Variants in HDGF observed in about 807,000 individuals in gnomAD.
HDGF encodes the protein hepatoma-derived growth factor.
A neutral mutation model predicts 30.0 loss-of-function variants in HDGF; 5 were observed. The observed-to-expected ratio is 0.17, with a 90% confidence interval of 0.09 to 0.35. The LOEUF (loss-of-function observed/expected upper bound fraction) is 0.35. Ranked by LOEUF, HDGF falls within the 10% of genes least tolerant of loss-of-function variation. The pLI is 1.00. For synonymous variants in HDGF, 133 were observed against 112.7 expected (o/e 1.18, Z -1.14); for missense variants, 214 against 302.8 (o/e 0.71, Z 2.18).
chr1:156,758,592 CAAAA>C (rs146810668), intron 2 of HDGF, among the ~76,000 whole-genome samples: 1 of 86,006 alleles, frequency 1.2e-5, no homozygotes, highest in African/African-American at 5.5e-5. Context: ...GACTCCGTCT[CAAAA>C]AAAAAAATAA....
chr1:156,749,537 C>G (rs1254604050), intron 1 of HDGF, among the ~76,000 whole-genome samples: 8 of 152,206 alleles, frequency 5.3e-5, no homozygotes. Flanking sequence ...TACCCCAGTT[C>G]TAACTTTATC....
In HDGF at chr1:156,751,578, A is replaced by G; in HGVS notation, c.-149T>C. ...CCCCGGCCCGAGCTCCGGCGCGGCC[A>G]CGGCGTCTCCGCCCGCGCGCCGCAC... is the stretch of plus-strand genomic sequence containing the variant. On this transcript the variant is annotated 5_prime_UTR_variant, in exon 1 of 6. Transcript: ENST00000357325. The surrounding 1 kb of genome is among the most constrained non-coding windows in gnomAD (Gnocchi z 4.7). 3 of 984,646 alleles carry G rather than the reference A, an allele frequency of 3.0e-6. No individual in the cohort carries two copies. Among genetic ancestry groups the G allele is most frequent in the Non-Finnish European group, 3.6e-6 (3 of 830,654 alleles). 61.0% of individuals were successfully genotyped at this position (984,646 alleles called of 1,614,324 possible).
intron 1 of HDGF, among the ~76,000 whole-genome samples, chr1:156,764,854 C>T (rs2102743965): frequency 6.7e-6 from 1 of 150,330 alleles, no homozygotes; most frequent in Non-Finnish European, 1.5e-5. Context: ...CCACTGCACT[C>T]CAGCATGGGC....
rs1339389645 is a variant in HDGF, at chr1:156,742,828, C to T, written c.*621G>A. ...CTACAACTCCCAAAACTCTTGGGGTCGGCAAAAGGAAAAATGGGTGTTGTC... is the reference window on the plus strand; with the variant it reads ...CTACAACTCCCAAAACTCTTGGGGTTGGCAAAAGGAAAAATGGGTGTTGTC... On this transcript the variant is annotated 3_prime_UTR_variant, in exon 6 of 6. Coordinates refer to ENST00000357325, the MANE Select transcript of HDGF (RefSeq NM_004494.3). 2 of 154,846 alleles carry T rather than the reference C, an allele frequency of 1.3e-5. No homozygotes were observed. The highest frequency in any genetic ancestry group is 2.4e-5 in the African/African-American group (1 of 41,612). 9.6% of individuals were successfully genotyped at this position (154,846 alleles called of 1,614,324 possible).
chr1:156,760,079 G>A (rs1651223097), intron 1 of HDGF, among the ~76,000 whole-genome samples: 1 of 152,262 alleles, frequency 6.6e-6, no homozygotes, highest in South Asian at 2.1e-4. Context: ...AGTACTGGAA[G>A]TAACTTTGCT....
intron 1 of HDGF, among the ~76,000 whole-genome samples, chr1:156,746,294 G>C (rs997379474): frequency 6.6e-6 from 1 of 152,184 alleles, no homozygotes; most frequent in East Asian, 1.9e-4. Flanking sequence ...CTGCAGCACG[G>C]TGCTTAGCAT....
upstream of HDGF, among the ~76,000 whole-genome samples, chr1:156,754,306 A>G (rs1000015286): frequency 6.6e-6 from 1 of 152,224 alleles, no homozygotes; most frequent in Non-Finnish European, 1.5e-5. Flanking sequence ...GTTGCATCAT[A>G]ATAGCCAGCG....
upstream of HDGF, among the ~76,000 whole-genome samples, chr1:156,756,744 T>C (rs1651159756): frequency 6.6e-6 from 1 of 152,152 alleles, no homozygotes; most frequent in African/African-American, 2.4e-5. Flanking sequence ...CTAACTCCTC[T>C]GTATATAGAT....
Position 156,745,021 on chromosome 1 carries a change from G to C in HDGF, c.290C>G (p.Ala97Gly). 6.2e-7 allele frequency: 1 copy of C among 1,614,090 alleles called. No individual in the cohort carries two copies. Residue 97 changes from alanine (A) to glycine (G), a missense_variant, in exon 3 of 6, where the codon GCT (alanine) becomes GGT (glycine). By Grantham distance (60) the Ala-to-Gly change is moderately conservative. Coordinates refer to ENST00000357325, the MANE Select transcript of HDGF (RefSeq NM_004494.3). ...WEIENNPTVK[A>G]SGYQSSQKKS... ...GCGGTGGCTCACCTGATAGCCGGAA[G>C]CCTTGACAGTAGGGTTGTTCTCGAT...
chr1:156,744,361 C>T lies in HDGF; in HGVS notation c.304-13G>A, dbSNP rs1260491208. 6 of 1,613,574 alleles carry T rather than the reference C, an allele frequency of 3.7e-6. No homozygotes were observed. Among genetic ancestry groups the T allele is most frequent in the South Asian group, 1.1e-5 (1 of 91,078 alleles). ...TTTTCTGGGAGGACTGCAGCAGAGA[C>T]AGCACAGGCTGAGTGGCACCAGTCG... On this transcript the variant is annotated splice_polypyrimidine_tract_variant and intron_variant, in intron 3 of 5. Coordinates refer to ENST00000357325, the MANE Select transcript of HDGF (RefSeq NM_004494.3).
At chr1:156,744,561 G>A (rs1303994785) in intron 3 of HDGF, 22 of 1,530,472 alleles carry the variant, frequency 1.4e-5, no homozygotes, top group Non-Finnish European at 1.9e-5. Context: ...CTGTGCAGGA[G>A]GGGGGAGGGC....
upstream of HDGF, chr1:156,751,776 C>A: frequency 1.7e-6 from 2 of 1,175,296 alleles, no homozygotes; most frequent in East Asian, 7.2e-5. The surrounding 1 kb of genome is among the most constrained non-coding windows in gnomAD (Gnocchi z 4.7). Flanking sequence ...CCTCCTCCTC[C>A]CCCCGCCCCC....
intron 1 of HDGF, among the ~76,000 whole-genome samples, chr1:156,759,512 C>T (rs929984482): frequency 7.3e-6 from 1 of 136,630 alleles, no homozygotes; most frequent in Admixed American, 8.0e-5. Context: ...GATGGAGTCT[C>T]ACTCTGTCAC....
At chr1:156,745,901 G>A (rs1347117574) in intron 1 of HDGF, among the ~76,000 whole-genome samples, 2 of 152,170 alleles carry the variant, frequency 1.3e-5, no homozygotes, top group Non-Finnish European at 2.9e-5. Context: ...ATCTGTAAAA[G>A]GGAGACAGTC....
chr1:156,746,561 C>T (rs578133005), intron 1 of HDGF, among the ~76,000 whole-genome samples: 21 of 152,354 alleles, frequency 1.4e-4, no homozygotes, highest in African/African-American at 4.1e-4. Context: ...CTAAATCCCC[C>T]GCCCCACGTG....
chr1:156,745,232 C>T, intron 2 of HDGF, 65 bp downstream of exon 2: 1 of 1,609,756 alleles, frequency 6.2e-7, no homozygotes, highest in African/African-American at 1.3e-5. Flanking sequence ...CCAACACCAC[C>T]TCACCTTCCC....
intron 1 of HDGF, among the ~76,000 whole-genome samples, chr1:156,749,026 A>C (rs778709897): frequency 7.9e-5 from 12 of 152,240 alleles, no homozygotes; most frequent in Non-Finnish European, 1.5e-4. Flanking sequence ...TTAATTGTTA[A>C]GAACTTGGAG....
At chr1:156,751,956 G>A, upstream of HDGF, 1 of 1,313,440 alleles carries the variant, frequency 7.6e-7, no homozygotes, top group Non-Finnish European at 1.0e-6. The surrounding 1 kb of genome is among the most constrained non-coding windows in gnomAD (Gnocchi z 4.7). Context: ...GCGGTCGGTG[G>A]GTGCCCGCCC....
chr1:156,766,644 A>C (rs1457466049), intron 1 of HDGF: 1 of 152,390 alleles, frequency 6.6e-6, no homozygotes, highest in East Asian at 1.9e-4. Context: ...AAGCCATAAG[A>C]AGCAGCACTC....
Sources: allele counts gnomAD v4.1 joint callset (sites outside exome capture counted in the v4.1 genomes callset), GRCh38; gene constraint gnomAD v4.1.1; non-coding constraint Gnocchi (gnomAD v3.1); transcripts MANE v1.5; gene names NCBI Gene and HGNC (gene_info 2026-07-23, HGNC 2026-07-21).